The following SOX5 variants were observed in gnomAD, a reference collection of about 807,000 sequenced individuals.
SOX5 encodes SRY-box transcription factor 5.
In SOX5, 9 loss-of-function variants were observed where a neutral mutation model predicts 92.0. The observed-to-expected ratio is 0.10, with a 90% CI of 0.06 to 0.17. SOX5 has a LOEUF of 0.17. Ranked by LOEUF, SOX5 falls within the 10% of genes least tolerant of loss-of-function variation. SOX5 has a pLI of 1.00. For synonymous variants in SOX5, 344 were observed against 336.3 expected (o/e 1.02, Z -0.25); for missense variants, 642 against 944.5 (o/e 0.68, Z 4.20).
At chr12:24,077,229 T>A (rs1262171712) in intron 4 of SOX5, among the ~76,000 whole-genome samples, 2 of 152,186 alleles carry the variant, frequency 1.3e-5, no homozygotes, top group East Asian at 3.9e-4. Flanking sequence ...GACTTTACAG[T>A]CTATGTGTAA....
chr12:24,085,146 A>G (rs1013291231), intron 4 of SOX5, among the ~76,000 whole-genome samples: 7 of 152,260 alleles, frequency 4.6e-5, no homozygotes, highest in African/African-American at 1.7e-4. Flanking sequence ...CAAATTAAAA[A>G]GATACTTTCT....
At chr12:23,637,745 C>T (rs2079460969) in intron 8 of SOX5, among the ~76,000 whole-genome samples, 2 of 152,166 alleles carry the variant, frequency 1.3e-5, no homozygotes, top group African/African-American at 4.8e-5. Flanking sequence ...CCGAAAGACT[C>T]CTCCATCCTT....
intron 4 of SOX5, among the ~76,000 whole-genome samples, chr12:24,032,481 T>C (rs1955609495): frequency 6.6e-6 from 1 of 151,900 alleles, no homozygotes; most frequent in African/African-American, 2.4e-5. Context: ...TAAAAATTTA[T>C]CATCAAATAT....
intron 3 of SOX5, among the ~76,000 whole-genome samples, chr12:24,257,111 G>C (rs1941328867): frequency 6.6e-6 from 1 of 152,160 alleles, no homozygotes; most frequent in Non-Finnish European, 1.5e-5. Context: ...AGAAAGTCAT[G>C]GCCAGACACC....
intron 8 of SOX5, among the ~76,000 whole-genome samples, chr12:23,621,436 A>C (rs1468317529): frequency 6.6e-6 from 1 of 152,248 alleles, no homozygotes. Flanking sequence ...AACGTGGTTA[A>C]AATGTAAGTT....
At chr12:24,466,684 T>C (rs1044362666) in intron 1 of SOX5, among the ~76,000 whole-genome samples, 1 of 152,172 alleles carries the variant, frequency 6.6e-6, no homozygotes, top group Non-Finnish European at 1.5e-5. Flanking sequence ...AGCAGGCAGT[T>C]AATTCACCCC....
At chr12:23,990,629 C>A (rs145039588) in intron 4 of SOX5, among the ~76,000 whole-genome samples, 43 of 152,292 alleles carry the variant, frequency 2.8e-4, no homozygotes, top group Non-Finnish European at 5.4e-4. Flanking sequence ...CATCTCATCA[C>A]TTCTAATTCT....
chr12:23,782,612 A>G (rs1307532532), intron 3 of SOX5, among the ~76,000 whole-genome samples: 1 of 152,140 alleles, frequency 6.6e-6, no homozygotes, highest in East Asian at 1.9e-4. Context: ...CCTATTGTTG[A>G]AGGTGCATTT....
chr12:24,136,058 T>A (rs1243997929), intron 4 of SOX5, among the ~76,000 whole-genome samples: 1 of 152,172 alleles, frequency 6.6e-6, no homozygotes, highest in Non-Finnish European at 1.5e-5. Context: ...TTTTAAATAG[T>A]CCCAAAGAGA....
upstream of SOX5, chr12:23,951,046 C>T: frequency 1.7e-6 from 1 of 589,386 alleles, no homozygotes; most frequent in South Asian, 2.2e-5. Context: ...AGGGTTCATT[C>T]TGCACAAAAG....
At chr12:24,241,144 C>T (rs1397639514) in intron 3 of SOX5, among the ~76,000 whole-genome samples, 1 of 152,080 alleles carries the variant, frequency 6.6e-6, no homozygotes, top group Non-Finnish European at 1.5e-5. Flanking sequence ...GTCAAAATTT[C>T]CACAATTTAT....
intron 3 of SOX5, among the ~76,000 whole-genome samples, chr12:23,772,068 A>AT (rs1358104237): frequency 1.3e-5 from 2 of 152,328 alleles, no homozygotes; most frequent in East Asian, 3.9e-4. Context: ...GCCTGCTCTT[A>AT]TACTAAGTGG....
intron 4 of SOX5, among the ~76,000 whole-genome samples, chr12:24,001,865 G>C (rs1190248665): frequency 6.6e-6 from 1 of 152,176 alleles, no homozygotes; most frequent in Non-Finnish European, 1.5e-5. Flanking sequence ...TTGGGAGGCT[G>C]AGGTGGGATG....
chr12:24,290,682 T>C (rs1400377098), intron 2 of SOX5, among the ~76,000 whole-genome samples: 1 of 152,192 alleles, frequency 6.6e-6, no homozygotes, highest in African/African-American at 2.4e-5. Flanking sequence ...GCATGGTCCC[T>C]GCTCCTGACG....
chr12:24,422,604 G>A (rs1194266233), intron 1 of SOX5, among the ~76,000 whole-genome samples: 3 of 152,162 alleles, frequency 2.0e-5, no homozygotes, highest in Non-Finnish European at 4.4e-5. Flanking sequence ...TGATGTGTGG[G>A]AATTCTGCAT....
chr12:23,910,729 T>G (rs954156908), intron 1 of SOX5, among the ~76,000 whole-genome samples: 8 of 152,152 alleles, frequency 5.3e-5, no homozygotes, highest in African/African-American at 1.9e-4. Context: ...GCAGCTGCAG[T>G]GTAAGTCTTC....
At chr12:24,254,177 C>T (rs897138940) in intron 3 of SOX5, among the ~76,000 whole-genome samples, 5 of 151,894 alleles carry the variant, frequency 3.3e-5, no homozygotes, top group Admixed American at 6.6e-5. Flanking sequence ...AGTACCACTG[C>T]ACAATACTGA....
intron 6 of SOX5, among the ~76,000 whole-genome samples, chr12:23,700,137 T>A (rs1335163700): frequency 6.6e-6 from 1 of 152,146 alleles, no homozygotes; most frequent in African/African-American, 2.4e-5. Context: ...GAAAAGAATG[T>A]AGAGCAAAGC....
intron 1 of SOX5, among the ~76,000 whole-genome samples, chr12:24,405,160 T>C (rs968874796): frequency 1.3e-5 from 2 of 152,188 alleles, no homozygotes; most frequent in African/African-American, 2.4e-5. Context: ...TACTTTACTA[T>C]GGAAGCTCTA....
Sources: gnomAD v4.1 joint callset for allele counts (sites outside exome capture counted in the v4.1 genomes callset) on GRCh38, gnomAD v4.1.1 for gene constraint, MANE v1.5 for transcripts, NCBI Gene and HGNC (gene_info 2026-07-23, HGNC 2026-07-21) for gene names.